RNF217: variants seen among roughly 807,000 people sequenced by gnomAD.
RNF217 encodes E3 ubiquitin-protein ligase RNF217.
A neutral mutation model predicts 57.8 loss-of-function variants in RNF217; 31 were observed. That is an observed-to-expected ratio of 0.54 (90% CI 0.40 to 0.72). The LOEUF is 0.72. Ranked by LOEUF, RNF217 falls within the 30% of genes least tolerant of loss-of-function variation. The probability of loss-of-function intolerance (pLI) is 0.00; values close to 1 mark genes in which losing one functional copy is unlikely to be tolerated. For missense variants in RNF217, 696 were observed against 708.3 expected (o/e 0.98, Z 0.20); for synonymous variants, 313 against 294.0 (o/e 1.06, Z -0.66).
At chr6:125,059,722 C>A (rs1787660081) in intron 3 of RNF217, among the ~76,000 whole-genome samples, 1 of 152,124 alleles carries the variant, frequency 6.6e-6, no homozygotes. Context: ...AAGAAGCCGA[C>A]CATGGGGAAT....
At chr6:124,990,430 G>C (rs1784517015) in intron 1 of RNF217, among the ~76,000 whole-genome samples, 1 of 152,126 alleles carries the variant, frequency 6.6e-6, no homozygotes, top group African/African-American at 2.4e-5. Flanking sequence ...TTTTATAAGA[G>C]ATATCTCAAA....
intron 1 of RNF217, among the ~76,000 whole-genome samples, chr6:125,007,365 C>G (rs926633382): frequency 1.3e-5 from 2 of 151,886 alleles, no homozygotes; most frequent in Non-Finnish European, 2.9e-5. Context: ...CCTGCCTCAG[C>G]CTCCCAAGTA....
intron 1 of RNF217, among the ~76,000 whole-genome samples, chr6:125,034,757 A>G (rs1245198365): frequency 6.6e-6 from 1 of 152,004 alleles, no homozygotes; most frequent in Non-Finnish European, 1.5e-5. Flanking sequence ...CTTGATGGGG[A>G]TGGCAACTGA....
At position 125,032,842 on chromosome 6, in the gene RNF217, T is replaced by A. The variant is rs1011207121; in HGVS notation, c.883-12369T>A. Among the ~76,000 whole-genome samples, 5 of 152,188 alleles carry A rather than the reference T, an allele frequency of 3.3e-5. 1 individual carries two copies. Among genetic ancestry groups the A allele is most frequent in the Non-Finnish European group, 7.4e-5 (5 of 68,026 alleles). ...AGTTTAAGTAATGTAAAAAAGATGA[T>A]TGTAGAAAAGTACATTTGGACTGGT... On this transcript the variant is annotated intron_variant, in intron 1 of 5. Coordinates refer to ENST00000521654, the MANE Select transcript of RNF217 (RefSeq NM_001286398.3).
intron 2 of RNF217, among the ~76,000 whole-genome samples, chr6:125,056,654 T>A (rs556896552): frequency 6.6e-6 from 1 of 152,288 alleles, no homozygotes. Flanking sequence ...AAAAGGAAAT[T>A]CTAACTAACC....
At chr6:125,035,666 A>G (rs1786582861) in intron 1 of RNF217, among the ~76,000 whole-genome samples, 1 of 152,176 alleles carries the variant, frequency 6.6e-6, no homozygotes, top group East Asian at 1.9e-4. Context: ...ATTATAATCA[A>G]TCCAGTTTAT....
At chr6:124,989,018 TA>T (rs1165117389) in intron 1 of RNF217, among the ~76,000 whole-genome samples, 4 of 128,966 alleles carry the variant, frequency 3.1e-5, no homozygotes, top group African/African-American at 5.2e-5. Context: ...TAAACCAGTT[TA>T]TTTTTTTATA....
intron 3 of RNF217, among the ~76,000 whole-genome samples, chr6:125,058,547 A>G (rs1010801326): frequency 1.3e-5 from 2 of 152,180 alleles, no homozygotes; most frequent in African/African-American, 4.8e-5. Flanking sequence ...ATTACATTAA[A>G]TTGAACTGAT....
At chr6:125,078,389 C>T (rs1788455894) in intron 4 of RNF217, among the ~76,000 whole-genome samples, 1 of 152,138 alleles carries the variant, frequency 6.6e-6, no homozygotes, top group African/African-American at 2.4e-5. Context: ...TTGGTCGTGG[C>T]AGTGTGTTTC....
rs896179295 is a variant in RNF217, at chr6:125,015,170, C to T, written c.883-30041C>T. Among the ~76,000 whole-genome samples the T allele has an allele frequency of 5.3e-5, 8 of 151,960 alleles. No individual in the cohort carries two copies. In the East Asian group the frequency reaches 1.5e-3, roughly 29 times the overall value. On this transcript the variant is annotated intron_variant, in intron 1 of 5. Transcript: ENST00000521654. ...AAGTCACCTAAAATAGTTGATATTC[C>T]AGAAAAGAAAGCAAAGGAACATATT...
At chr6:124,970,939 C>T (rs981263773) in intron 1 of RNF217, among the ~76,000 whole-genome samples, 4 of 152,170 alleles carry the variant, frequency 2.6e-5, no homozygotes, top group Admixed American at 1.3e-4. Context: ...TCAGATTTCC[C>T]AACAAGGAGT....
At chr6:125,066,817 A>C (rs149422572) in intron 3 of RNF217, among the ~76,000 whole-genome samples, 1 of 152,346 alleles carries the variant, frequency 6.6e-6, no homozygotes, top group East Asian at 1.9e-4. Context: ...TAAATAATAG[A>C]TAATGGCTGA....
rs1184840739 is a variant in RNF217 at position 124,963,214 on chromosome 6, G to C, written c.670G>C (p.Glu224Gln). Residue 224 changes from glutamate to glutamine, a missense_variant, in exon 1 of 6, where the codon GAG (glutamate) becomes CAG (glutamine). Transcript: ENST00000521654. ...CCTCTCCCCCGACGGCGGCAGCATC[G>C]AGCTGGAGTTCTACCTGGCGCCCGA... is the stretch of plus-strand genomic sequence containing the variant. ...DSLSPDGGSI[E>Q]LEFYLAPEPF... The C allele has an allele frequency of 1.4e-5, 22 of 1,535,886 alleles. No homozygotes were observed. Among genetic ancestry groups the C allele is most frequent in the African/African-American group, 2.7e-5 (2 of 73,020 alleles).
intron 1 of RNF217, among the ~76,000 whole-genome samples, chr6:124,998,783 G>A (rs547968370): frequency 1.2e-4 from 18 of 152,310 alleles, no homozygotes; most frequent in Non-Finnish European, 2.6e-4. Context: ...GGGCAACAGA[G>A]CGAGACTCTG....
chr6:125,060,380 CAT>C (rs756964599), intron 3 of RNF217, among the ~76,000 whole-genome samples: 10 of 143,372 alleles, frequency 7.0e-5, no homozygotes, highest in African/African-American at 1.6e-4. Flanking sequence ...CACACACACA[CAT>C]ATATATTTGT....
chr6:125,013,434 A>C (rs1334289383), intron 1 of RNF217, among the ~76,000 whole-genome samples: 1 of 148,124 alleles, frequency 6.8e-6, no homozygotes, highest in Non-Finnish European at 1.5e-5. Context: ...TGATGAGGGG[A>C]TGTTCATAAG....
intron 1 of RNF217, among the ~76,000 whole-genome samples, chr6:125,003,004 C>A (rs1203296826): frequency 6.6e-6 from 1 of 152,044 alleles, no homozygotes; most frequent in Admixed American, 6.6e-5. Context: ...AAAAAATTGG[C>A]TGCATATTAA....
chr6:124,971,423 A>ATGATT (rs955775379), intron 1 of RNF217: 24 of 273,430 alleles, frequency 8.8e-5, no homozygotes, highest in Middle Eastern at 1.5e-3. Flanking sequence ...TAGGAAAGCT[A>ATGATT]TGATTTGATT....
At chr6:125,057,800 C>A in intron 2 of RNF217, 142 bp from the exon 3 acceptor site, 1 of 601,318 alleles carries the variant, frequency 1.7e-6, no homozygotes, top group Non-Finnish European at 2.7e-6. Context: ...GTATTCATAT[C>A]TTCCTGTAGT....
Sources: allele counts gnomAD v4.1 joint callset (sites outside exome capture counted in the v4.1 genomes callset), GRCh38; gene constraint gnomAD v4.1.1; transcripts MANE v1.5; gene names NCBI Gene and HGNC (gene_info 2026-07-23, HGNC 2026-07-21).